FGB: variants seen among roughly 807,000 people sequenced by gnomAD.
FGB encodes the protein beta-fibrinogen.
Under a neutral mutation model 57.9 loss-of-function variants are expected in FGB, and 25 were observed. The observed-to-expected ratio is 0.43, with a 90% CI of 0.31 to 0.60. FGB has a LOEUF of 0.60. FGB is among the 20% of genes least tolerant of loss of function. FGB has a pLI of 0.08. For synonymous variants in FGB, 203 were observed against 199.2 expected, an observed-to-expected ratio of 1.02 and a Z score of -0.16; for missense variants, 536 against 598.4, an observed-to-expected ratio of 0.90 and a Z score of 1.09.
chr4:154,564,884 A>G (rs1730091627), intron 1 of FGB, among the ~76,000 whole-genome samples: 1 of 152,236 alleles, frequency 6.6e-6, no homozygotes, highest in Non-Finnish European at 1.5e-5. Flanking sequence ...TACAATGCAC[A>G]AGCCTTGAGA....
Position 154,570,626 on chromosome 4 carries a change from C to G in FGB, c.1452C>G (p.Ile484Met). 1 of 1,613,870 alleles carries G rather than the reference C, an allele frequency of 6.2e-7. No individual in the cohort carries two copies. Among genetic ancestry groups the G allele is most frequent in the Non-Finnish European group, 8.5e-7 (1 of 1,179,834 alleles). ...WYSMRKMSMKIRPFFPQQ is the reference protein window; with the variant it reads ...WYSMRKMSMKMRPFFPQQ ...CAATGAGGAAGATGAGTATGAAGATCAGGCCCTTCTTCCCACAGCAATAGT... is the reference window on the plus strand; with the variant it reads ...CAATGAGGAAGATGAGTATGAAGATGAGGCCCTTCTTCCCACAGCAATAGT... The change falls in exon 8 of 8, where the codon ATC becomes ATG. Residue 484 changes from isoleucine to methionine, a missense_variant. This residue lies in a region of FGB where 177 missense variants were observed against 193.7 expected (regional missense o/e 0.91). Transcript: ENST00000302068.
intron 5 of FGB, 150 bp downstream of exon 5, chr4:154,568,644 G>T: frequency 2.1e-6 from 1 of 478,000 alleles, no homozygotes; most frequent in Admixed American, 2.8e-5. Context: ...CTAGGAGTTT[G>T]AAACTAGCCT....
At chr4:154,567,871 C>T (rs1730230369) in intron 4 of FGB, 51 bp downstream of exon 4, 1 of 1,300,738 alleles carries the variant, frequency 7.7e-7, no homozygotes, top group African/African-American at 1.4e-5. Context: ...AACTCACACA[C>T]CAAAAATAAG....
chr4:154,569,792 G>A lies in FGB; in HGVS notation c.1237G>A (p.Asp413Asn). The change falls in exon 7 of 8, where the codon GAC becomes AAC. Residue 413 changes from aspartate (D) to asparagine (N), a missense_variant. Physicochemically the swap from Asp to Asn is conservative, Grantham distance 23. Around this residue, in one of 3 missense-constraint regions of FGB, gnomAD observed 177 missense variants for 193.7 expected, o/e 0.91. Transcript: ENST00000302068. The stretch of plus-strand genomic sequence containing the variant: ...CTTCAGCACGTATGACAGAGACAAT[G>A]ACGGCTGGTATGTGTGGCACTCTTT... ...MFFSTYDRDN[D>N]GWLTSDPRKQ... 1 of 1,614,140 alleles carries A rather than the reference G, an allele frequency of 6.2e-7. No homozygotes were observed. Among genetic ancestry groups the A allele is most frequent in the Non-Finnish European group, 8.5e-7 (1 of 1,180,016 alleles).
At chr4:154,566,068 T>C in intron 2 of FGB, 69 bp downstream of exon 2, 1 of 1,370,046 alleles carries the variant, frequency 7.3e-7, no homozygotes, top group Non-Finnish European at 1.0e-6. Context: ...CATGGCAGTC[T>C]GCTAATGTTT....
intron 1 of FGB, chr4:154,565,538 T>A: frequency 2.2e-6 from 1 of 451,894 alleles, no homozygotes. Flanking sequence ...GAATATGAGG[T>A]CATTACTATT....
In FGB at chr4:154,565,189, A is replaced by G. The variant is rs1485019985; in HGVS notation, c.115-619A>G. 6 of 464,562 alleles carry G rather than the reference A, an allele frequency of 1.3e-5. No individual in the cohort carries two copies. In the Admixed American group the frequency reaches 1.4e-4, roughly 11 times the overall value. 28.8% of individuals were successfully genotyped at this position (464,562 alleles called of 1,614,324 possible). A position where few individuals can be genotyped will look rare whatever the true frequency, so the allele number is the denominator to read the frequency against. On this transcript the variant is annotated intron_variant, in intron 1 of 7. Transcript: ENST00000302068. Reference sequence around the variant, plus strand: ...TATCATTACACTTATTTTACAGATGAGAAAACTGGGGCACAGATAAAGCAA... The same window carrying G: ...TATCATTACACTTATTTTACAGATGGGAAAACTGGGGCACAGATAAAGCAA...
Position 154,572,191 on chromosome 4 carries a change from G to T in FGB, c.*1541G>T, listed in dbSNP as rs1560819962. ...ATAACCTACATTTTTGTCACATTAA[G>T]TTTTTCCCCATTCCAGGACAGGTCA... On this transcript the variant is annotated 3_prime_UTR_variant, in exon 8 of 8. Transcript: ENST00000302068. Among the ~76,000 whole-genome samples, 1 of 152,058 alleles carries T rather than the reference G, an allele frequency of 6.6e-6. No homozygotes were observed. The highest frequency in any genetic ancestry group is 2.4e-5 in the African/African-American group (1 of 41,406).
At position 154,568,429 on chromosome 4, in the gene FGB, T is replaced by G. The variant is rs1185930324; in HGVS notation, c.767T>G (p.Leu256Arg). 1.9e-6 allele frequency: 3 copies of G among 1,609,436 alleles called. No individual in the cohort carries two copies. Among genetic ancestry groups the G allele is most frequent in the Non-Finnish European group, 2.6e-6 (3 of 1,175,872 alleles). The change falls in exon 5 of 8, where the codon CTC (leucine) becomes CGC (arginine). Residue 256 changes from leucine to arginine, a missense_variant. Leu to Arg is a moderately radical substitution (Grantham distance 102). Around this residue, in one of 3 missense-constraint regions of FGB, gnomAD observed 354 missense variants for 383.4 expected, o/e 0.92. Transcript: ENST00000302068. ...RKGGETSEMY[L>R]IQPDSSVKPY... ...GGAGGTGAAACATCTGAAATGTATC[T>G]CATTCAACCTGACAGTTCTGTCAAA...
rs768949107 is a variant in FGB at position 154,571,691 on chromosome 4, A to T, written c.*1041A>T. On this transcript the variant is annotated 3_prime_UTR_variant, in exon 8 of 8. Coordinates refer to ENST00000302068, the MANE Select transcript of FGB (RefSeq NM_005141.5). ...TAGGCTTTTTTTTCTTCATAGTTACACCAGAACTAAAGTAAAAGTGGTTTT... is the reference window on the plus strand; with the variant it reads ...TAGGCTTTTTTTTCTTCATAGTTACTCCAGAACTAAAGTAAAAGTGGTTTT... Among the ~76,000 whole-genome samples, 1 of 152,090 alleles carries T rather than the reference A, an allele frequency of 6.6e-6. No individual in the cohort carries two copies. Among genetic ancestry groups the T allele is most frequent in the Non-Finnish European group, 1.5e-5 (1 of 68,020 alleles).
At chr4:154,563,273 T>G in intron 1 of FGB, 141 bp downstream of exon 1, 1 of 517,702 alleles carries the variant, frequency 1.9e-6, no homozygotes, top group Non-Finnish European at 3.4e-6. Flanking sequence ...ACTTATTGTA[T>G]TTAAAGAATG....
intron 7 of FGB, 138 bp downstream of exon 7, chr4:154,569,937 C>T (rs924073433): frequency 3.0e-5 from 25 of 837,438 alleles, no homozygotes; most frequent in Non-Finnish European, 4.1e-5. Flanking sequence ...ATGCATCACT[C>T]GAAAGCATTT....
chr4:154,572,268 A>T lies in FGB; in HGVS notation c.*1618A>T, dbSNP rs1351998284. 2.6e-5 allele frequency among the ~76,000 whole-genome samples: 4 copies of T among 152,152 alleles called. No homozygotes were observed. The highest frequency in any genetic ancestry group is 5.9e-5 in the Non-Finnish European group (4 of 68,034). On this transcript the variant is annotated 3_prime_UTR_variant, in exon 8 of 8. Transcript: ENST00000302068. ...ATTGAGATATAATTGATATAATTTA[A>T]AAAATCCTGCACATGTGTCATGCTG...
chr4:154,566,697 C>A (rs1275896391), intron 3 of FGB, 25 bp downstream of exon 3: 22 of 1,608,386 alleles, frequency 1.4e-5, no homozygotes, highest in Non-Finnish European at 1.9e-5. Flanking sequence ...GCTTTCCATT[C>A]GATTTTCAGC....
chr4:154,567,897 A>G (rs552689408), intron 4 of FGB, 77 bp downstream of exon 4: 2 of 1,034,900 alleles, frequency 1.9e-6, no homozygotes, highest in Admixed American at 3.4e-5. Context: ...AACAACAACA[A>G]CAAAAATGCT....
At chr4:154,565,271 C>T (rs1730108117) in intron 1 of FGB, 3 of 415,348 alleles carry the variant, frequency 7.2e-6, no homozygotes, top group African/African-American at 2.1e-5. Flanking sequence ...TACAAGTAGC[C>T]GAGCTCCAGA....
rs930390250 is a variant in FGB at position 154,565,932 on chromosome 4, C to T, written c.239C>T (p.Ala80Val). 2 of 1,614,006 alleles carry T rather than the reference C, an allele frequency of 1.2e-6. No individual in the cohort carries two copies. The highest frequency in any genetic ancestry group is 2.7e-5 in the African/African-American group (2 of 74,922). ...CGGGCTCGTCCAGCCAAAGCAGCTG[C>T]CACTCAAAAGAAAGTAGAAAGAAAA... ...GYRARPAKAA[A>V]TQKKVERKAP... Residue 80 changes from alanine (A) to valine (V), a missense_variant, in exon 2 of 8, where the codon GCC becomes GTC. By Grantham distance (64) the Ala-to-Val change is moderately conservative (BLOSUM62 0). This residue lies in a region of FGB where 354 missense variants were observed against 383.4 expected (regional missense o/e 0.92). Transcript: ENST00000302068.
In FGB at chr4:154,568,291, C is replaced by A. The variant is rs1232767715; in HGVS notation, c.719-90C>A. The A allele has an allele frequency of 1.3e-5, 10 of 778,494 alleles. No homozygotes were observed. The Admixed American group carries it at 1.7e-4, about 13-fold the overall frequency. The allele number at this position is 778,494 out of a possible 1,614,324, so 48.2% of individuals were successfully genotyped here. On this transcript the variant is annotated intron_variant, in intron 4 of 7. Coordinates refer to ENST00000302068, the MANE Select transcript of FGB (RefSeq NM_005141.5). ...TCTATAATAACACACTCCTTAGTAA[C>A]TTATGTAATGTTATTTTAAAGAATT... is the stretch of plus-strand genomic sequence containing the variant.
Position 154,569,505 on chromosome 4 carries a change from T to A in FGB, c.959-9T>A. On this transcript the variant is annotated splice_polypyrimidine_tract_variant and intron_variant, in intron 6 of 7. Transcript: ENST00000302068. Reference sequence around the variant, plus strand: ...TTTTTGGTGAGATTTTATTTTGTTTTTCTTTTAGGTGAATATTGGCTTGGA... The same window carrying A: ...TTTTTGGTGAGATTTTATTTTGTTTATCTTTTAGGTGAATATTGGCTTGGA... 1 of 1,608,162 alleles carries A rather than the reference T, an allele frequency of 6.2e-7. No homozygotes were observed.
Sources: gnomAD v4.1 joint callset for allele counts (sites outside exome capture counted in the v4.1 genomes callset) on GRCh38, gnomAD v4.1.1 for gene constraint, gnomAD v4.1.1 regional missense constraint, MANE v1.5 for transcripts, NCBI Gene and HGNC (gene_info 2026-07-23, HGNC 2026-07-21) for gene names.